PLXNA4: variants seen among roughly 807,000 people sequenced by gnomAD.
The protein encoded by PLXNA4 is plexin-A4.
Under a neutral mutation model 191.8 loss-of-function variants are expected in PLXNA4, and 44 were observed. That is an observed-to-expected ratio of 0.23 (90% CI 0.18 to 0.29). The LOEUF (loss-of-function observed/expected upper bound fraction) is 0.29. Ranked by LOEUF, PLXNA4 falls within the 10% of genes least tolerant of loss-of-function variation. The pLI is 1.00. For missense variants in PLXNA4, 1,800 were observed against 2,488.8 expected (o/e 0.72, Z 5.89); for synonymous variants, 1,082 against 1,009.5 (o/e 1.07, Z -1.36).
At chr7:132,155,578 G>A (rs1228722566) in intron 25 of PLXNA4, among the ~76,000 whole-genome samples, 1 of 152,176 alleles carries the variant, frequency 6.6e-6, no homozygotes, top group South Asian at 2.1e-4. Flanking sequence ...ATACCTGTGG[G>A]TGGAAAGGGA....
At chr7:132,379,932 G>C (rs1032535090) in intron 3 of PLXNA4, among the ~76,000 whole-genome samples, 2 of 152,182 alleles carry the variant, frequency 1.3e-5, no homozygotes, top group Non-Finnish European at 2.9e-5. Flanking sequence ...CTAGTCAAAG[G>C]TATGTTCTTG....
chr7:132,577,695 C>T (rs1219897900), upstream of PLXNA4, among the ~76,000 whole-genome samples: 1 of 152,092 alleles, frequency 6.6e-6, no homozygotes, highest in Non-Finnish European at 1.5e-5. Context: ...CATGGGTGAC[C>T]GGAGCGCACG....
intron 10 of PLXNA4, among the ~76,000 whole-genome samples, chr7:132,206,392 TAATATG>T (rs150269816): frequency 0.013 from 1,921 of 151,924 alleles, 20 homozygotes; most frequent in Non-Finnish European, 0.019. Context: ...GCCAGACCCT[TAATATG>T]TATGGGGATG....
At chr7:132,182,036 C>G (rs1240583044) in intron 17 of PLXNA4, 61 bp downstream of exon 17, 2 of 1,612,034 alleles carry the variant, frequency 1.2e-6, no homozygotes, top group Non-Finnish European at 1.7e-6. Flanking sequence ...GACCCACACC[C>G]TTTGGGGAAG....
intron 1 of PLXNA4, among the ~76,000 whole-genome samples, chr7:132,560,343 T>G (rs968741616): frequency 2.6e-5 from 4 of 152,210 alleles, no homozygotes; most frequent in Admixed American, 1.3e-4. Context: ...CACTGGAAAG[T>G]AGTGGGACTC....
At chr7:132,358,656 T>G (rs774980086) in intron 3 of PLXNA4, among the ~76,000 whole-genome samples, 43 of 152,234 alleles carry the variant, frequency 2.8e-4, no homozygotes, top group Admixed American at 6.5e-4. Context: ...TCTATGACAG[T>G]GACTTGGGTA....
intron 2 of PLXNA4, among the ~76,000 whole-genome samples, chr7:132,638,951 A>G (rs1803662631): frequency 6.6e-6 from 1 of 152,092 alleles, no homozygotes; most frequent in South Asian, 2.1e-4. Context: ...AAGTCTCCAG[A>G]TATTCCTAAG....
chr7:132,130,977 T>C (rs1240662282), intron 31 of PLXNA4, among the ~76,000 whole-genome samples: 1 of 152,180 alleles, frequency 6.6e-6, no homozygotes, highest in Admixed American at 6.5e-5. Flanking sequence ...GGAGCCGGAA[T>C]GTGATTTCAT....
chr7:132,366,804 C>G (rs1804206205), intron 3 of PLXNA4, among the ~76,000 whole-genome samples: 2 of 152,232 alleles, frequency 1.3e-5, no homozygotes, highest in Admixed American at 1.3e-4. Flanking sequence ...CTCTGTTGTC[C>G]AGGCTGGAGT....
At chr7:132,242,232 C>T (rs1798905478) in intron 4 of PLXNA4, among the ~76,000 whole-genome samples, 1 of 150,844 alleles carries the variant, frequency 6.6e-6, no homozygotes, top group Non-Finnish European at 1.5e-5. Flanking sequence ...CCTGATGTTT[C>T]AGCTTGAGCT....
At chr7:132,201,682 G>A (rs531324483) in intron 12 of PLXNA4, among the ~76,000 whole-genome samples, 1 of 152,338 alleles carries the variant, frequency 6.6e-6, no homozygotes, top group African/African-American at 2.4e-5. Context: ...GGTGCCATGG[G>A]GGAGGAGCAT....
intron 16 of PLXNA4, among the ~76,000 whole-genome samples, chr7:132,182,393 AT>A (rs1796738528): frequency 6.6e-6 from 1 of 152,122 alleles, no homozygotes; most frequent in Admixed American, 6.5e-5. Flanking sequence ...TAATGACCAG[AT>A]GTCCGTGGCC....
intron 3 of PLXNA4, among the ~76,000 whole-genome samples, chr7:132,465,610 C>T (rs1796669801): frequency 6.6e-6 from 1 of 152,258 alleles, no homozygotes; most frequent in South Asian, 2.1e-4. Flanking sequence ...GGCTACCACA[C>T]CTAAGTACAA....
At chr7:132,429,968 C>T (rs1240835809) in intron 3 of PLXNA4, among the ~76,000 whole-genome samples, 1 of 152,144 alleles carries the variant, frequency 6.6e-6, no homozygotes, top group Non-Finnish European at 1.5e-5. Flanking sequence ...ACAGCTTTCC[C>T]TAGATGGGCA....
At position 132,140,670 on chromosome 7, in the gene PLXNA4, C is replaced by T; in HGVS notation, c.5367G>A (p.Leu1789=). 1 of 1,614,116 alleles carries T rather than the reference C, an allele frequency of 6.2e-7. No homozygotes were observed. The highest frequency in any genetic ancestry group is 8.5e-7 in the Non-Finnish European group (1 of 1,180,020). Residue 1789 remains leucine, a synonymous_variant, in exon 30 of 32, where the codon CTG becomes CTA. Coordinates refer to ENST00000321063, the MANE Select transcript of PLXNA4 (RefSeq NM_020911.2). The part of the protein sequence containing the change: ...MDSCSTSEHR[L]GKDSPSNKLL... The stretch of plus-strand genomic sequence containing the variant: ...GCTTGTTGGAGGGCGAGTCCTTGCC[C>T]AGCCGGTGCTCTGACGTGGAGCAAG...
intron 3 of PLXNA4, among the ~76,000 whole-genome samples, chr7:132,455,885 T>C (rs1486069158): frequency 2.0e-5 from 3 of 152,086 alleles, no homozygotes; most frequent in Non-Finnish European, 4.4e-5. Flanking sequence ...TCTGCCCACC[T>C]CTGGAGGCCT....
intron 3 of PLXNA4, among the ~76,000 whole-genome samples, chr7:132,406,684 G>A (rs910167078): frequency 6.6e-6 from 1 of 152,134 alleles, no homozygotes; most frequent in African/African-American, 2.4e-5. Context: ...TGTTTCACAG[G>A]TTAAAAGAGC....
intron 4 of PLXNA4, among the ~76,000 whole-genome samples, chr7:132,261,601 G>A (rs1799648251): frequency 6.6e-6 from 1 of 152,176 alleles, no homozygotes; most frequent in Non-Finnish European, 1.5e-5. Context: ...AGCCCACCAG[G>A]GGCTGTCAAT....
intron 4 of PLXNA4, among the ~76,000 whole-genome samples, chr7:132,278,246 CTA>C (rs529379647): frequency 8.5e-4 from 130 of 152,276 alleles, no homozygotes; most frequent in African/African-American, 2.9e-3. Flanking sequence ...GGCACAGACA[CTA>C]TCTTTTTGCA....
Sources: gnomAD v4.1 joint callset for allele counts (sites outside exome capture counted in the v4.1 genomes callset) on GRCh38, gnomAD v4.1.1 for gene constraint, MANE v1.5 for transcripts, NCBI Gene and HGNC (gene_info 2026-07-23, HGNC 2026-07-21) for gene names.